FBXW7: variants seen among roughly 807,000 people sequenced by gnomAD.
The protein encoded by FBXW7 is F-box and WD repeat domain containing 7.
A neutral mutation model predicts 86.3 loss-of-function variants in FBXW7; 11 were observed. The ratio of observed to expected loss-of-function variants is 0.13; its 90% CI spans 0.08 to 0.21. FBXW7 has a LOEUF of 0.21. Among genes scored for constraint, FBXW7 ranks in the 10% least tolerant of loss-of-function variants. The pLI, the probability that FBXW7 is intolerant of heterozygous loss-of-function variation, is 1.00. For missense variants in FBXW7, 488 were observed against 847.4 expected, an observed-to-expected ratio of 0.58 and a Z score of 5.27; for synonymous variants, 313 against 297.9, an observed-to-expected ratio of 1.05 and a Z score of -0.52.
intron 4 of FBXW7, among the ~76,000 whole-genome samples, chr4:152,357,937 A>G (rs2064471664): frequency 6.6e-6 from 1 of 152,206 alleles, no homozygotes; most frequent in African/African-American, 2.4e-5. Flanking sequence ...CAGAGCTGTC[A>G]GACTAATACT....
intron 2 of FBXW7, among the ~76,000 whole-genome samples, chr4:152,443,459 T>C (rs1282665029): frequency 1.3e-5 from 2 of 152,236 alleles, no homozygotes; most frequent in East Asian, 3.8e-4. Flanking sequence ...AAATTACTAA[T>C]TTTAATCTAC....
intron 4 of FBXW7, among the ~76,000 whole-genome samples, chr4:152,381,106 T>C (rs1345865267): frequency 6.6e-6 from 1 of 152,110 alleles, no homozygotes; most frequent in African/African-American, 2.4e-5. Context: ...GTAAAAGTTT[T>C]CCAACATGGC....
intron 2 of FBXW7, among the ~76,000 whole-genome samples, chr4:152,449,916 T>G (rs894709154): frequency 6.6e-6 from 1 of 152,240 alleles, no homozygotes; most frequent in Admixed American, 6.5e-5. Flanking sequence ...TGAACATTCA[T>G]AGACCAATGA....
rs1750401875 is a variant in FBXW7, at chr4:152,535,129, C to G, written c.-215G>C. The G allele has an allele frequency of 6.5e-6, 1 of 154,164 alleles. No homozygotes were observed. Among genetic ancestry groups the G allele is most frequent in the Non-Finnish European group, 1.4e-5 (1 of 69,546 alleles). 9.5% of individuals were successfully genotyped at this position (154,164 alleles called of 1,614,324 possible). A position where few individuals can be genotyped will look rare whatever the true frequency, so the allele number is the denominator to read the frequency against. The stretch of plus-strand genomic sequence containing the variant: ...GGGGAGGCGGCGGCCCCGCTTACCT[C>G]CTCTTTTCCTCTTCCTGGGTCTTTT... On this transcript the variant is annotated splice_region_variant and 5_prime_UTR_variant, in exon 1 of 14. Coordinates refer to ENST00000281708, the MANE Select transcript of FBXW7 (RefSeq NM_001349798.2).
At chr4:152,524,252 T>A (rs899163193) in intron 2 of FBXW7, among the ~76,000 whole-genome samples, 2 of 152,198 alleles carry the variant, frequency 1.3e-5, no homozygotes, top group Non-Finnish European at 2.9e-5. Flanking sequence ...GCAGCAGAGC[T>A]GGAACCTGGG....
intron 4 of FBXW7, chr4:152,352,983 G>A (rs1425684533): frequency 6.1e-6 from 8 of 1,307,658 alleles, no homozygotes; most frequent in Non-Finnish European, 7.8e-6. Flanking sequence ...AACAGAGGGA[G>A]GATGTGGGCA....
In FBXW7 at chr4:152,473,334, G is replaced by T. The variant is rs193077205; in HGVS notation, c.-119-60805C>A. On this transcript the variant is annotated intron_variant, in intron 2 of 13. Transcript: ENST00000281708. ...ATGTAATTCTGCACACATTTTAAAA[G>T]CATTAATAGTTTAGTAAGATGTTGA... is the stretch of plus-strand genomic sequence containing the variant. Among the ~76,000 whole-genome samples the T allele has an allele frequency of 3.9e-5, 6 of 152,308 alleles. No homozygotes were observed. The East Asian group carries it at 1.2e-3, about 29-fold the overall frequency.
intron 2 of FBXW7, among the ~76,000 whole-genome samples, chr4:152,522,568 G>A (rs1749124628): frequency 6.6e-6 from 1 of 152,082 alleles, no homozygotes; most frequent in Middle Eastern, 3.4e-3. Context: ...TAATTTTTTT[G>A]TTGTGGATGC....
In FBXW7 at chr4:152,321,811, T is replaced by C; in HGVS notation, c.*1070A>G. The C allele has an allele frequency of 4.3e-6, 1 of 232,868 alleles. No homozygotes were observed. Among genetic ancestry groups the C allele is most frequent in the Non-Finnish European group, 8.5e-6 (1 of 117,502 alleles). 14.4% of individuals were successfully genotyped at this position (232,868 alleles called of 1,614,324 possible). On this transcript the variant is annotated 3_prime_UTR_variant, in exon 14 of 14. Transcript: ENST00000281708. The stretch of plus-strand genomic sequence containing the variant: ...CTCCACAGAACAGGCAAGTAATAGC[T>C]CTGTTCCAAGGAATGTGTTTTAATT...
chr4:152,330,911 T>C (rs1366983671), intron 8 of FBXW7, 43 bp from the exon 9 acceptor site: 1 of 1,581,082 alleles, frequency 6.3e-7, no homozygotes, highest in Non-Finnish European at 8.6e-7. Flanking sequence ...TCACCAATAA[T>C]AACAGTTATA....
intron 2 of FBXW7, among the ~76,000 whole-genome samples, chr4:152,533,631 C>A (rs1247091197): frequency 6.6e-6 from 1 of 152,094 alleles, no homozygotes; most frequent in Non-Finnish European, 1.5e-5. Flanking sequence ...TAATGAAAGT[C>A]CATAAAATTA....
intron 4 of FBXW7, among the ~76,000 whole-genome samples, chr4:152,351,318 T>A (rs1430234827): frequency 2.0e-5 from 3 of 152,052 alleles, no homozygotes; most frequent in East Asian, 3.8e-4. Flanking sequence ...TCTAAAATAC[T>A]AGGATGATCT....
intron 2 of FBXW7, among the ~76,000 whole-genome samples, chr4:152,524,638 T>C (rs1333958430): frequency 6.6e-6 from 1 of 152,088 alleles, no homozygotes; most frequent in Non-Finnish European, 1.5e-5. Flanking sequence ...AAGACTGAAC[T>C]CAAAACTTCC....
chr4:152,437,487 A>G (rs773740713), intron 2 of FBXW7, among the ~76,000 whole-genome samples: 5 of 152,230 alleles, frequency 3.3e-5, no homozygotes, highest in Admixed American at 6.5e-5. Flanking sequence ...TTGCAATCTC[A>G]TAATAAAACT....
chr4:152,464,720 CAGTT>C (rs1253944665), intron 2 of FBXW7, among the ~76,000 whole-genome samples: 1 of 152,018 alleles, frequency 6.6e-6, no homozygotes, highest in East Asian at 1.9e-4. Flanking sequence ...TGTGTGAAGA[CAGTT>C]AAAGAGATTT....
At chr4:152,421,242 T>C (rs535863150) in intron 2 of FBXW7, among the ~76,000 whole-genome samples, 5 of 152,242 alleles carry the variant, frequency 3.3e-5, no homozygotes, top group African/African-American at 1.2e-4. Context: ...CTTCATAGAA[T>C]TGAAGTAAGT....
intron 6 of FBXW7, among the ~76,000 whole-genome samples, chr4:152,338,698 A>C (rs1455473537): frequency 1.3e-5 from 2 of 152,142 alleles, no homozygotes; most frequent in Non-Finnish European, 2.9e-5. Flanking sequence ...TGCACAGAAA[A>C]GCCATGGTTC....
chr4:152,358,511 T>TAA (rs75134488), intron 4 of FBXW7, among the ~76,000 whole-genome samples: 7 of 120,982 alleles, frequency 5.8e-5, no homozygotes, highest in South Asian at 2.6e-4. Context: ...AGCTAAAGAC[T>TAA]AAAAAAAAAA....
chr4:152,377,598 C>CAAAA (rs545737337), intron 4 of FBXW7, among the ~76,000 whole-genome samples: 20 of 128,598 alleles, frequency 1.6e-4, no homozygotes, highest in African/African-American at 5.5e-4. Context: ...CTAAAAATAT[C>CAAAA]AAAAAAAAAA....
Sources: gnomAD v4.1 joint callset for allele counts (sites outside exome capture counted in the v4.1 genomes callset) on GRCh38, gnomAD v4.1.1 for gene constraint, MANE v1.5 for transcripts, NCBI Gene and HGNC (gene_info 2026-07-23, HGNC 2026-07-21) for gene names.